Variants in DPP6 observed in about 807,000 individuals in gnomAD.
DPP6 encodes the protein A-type potassium channel modulatory protein DPP6.
Under a neutral mutation model 122.6 loss-of-function variants are expected in DPP6, and 69 were observed. The ratio of observed to expected loss-of-function variants is 0.56; its 90% CI spans 0.46 to 0.69. The LOEUF (loss-of-function observed/expected upper bound fraction) is 0.69, where lower values mean the gene tolerates loss of function less well. DPP6 is among the 30% of genes least tolerant of loss of function. DPP6 has a pLI of 0.00. For missense variants in DPP6, 928 were observed against 1,116.9 expected, an observed-to-expected ratio of 0.83 and a Z score of 2.41; for synonymous variants, 418 against 433.1, an observed-to-expected ratio of 0.97 and a Z score of 0.43.
chr7:154,813,998 A>G (rs966186754), intron 16 of DPP6, among the ~76,000 whole-genome samples: 2 of 146,796 alleles, frequency 1.4e-5, no homozygotes, highest in African/African-American at 5.1e-5. Flanking sequence ...CTCCTGCCTC[A>G]GCCTCTTGAG....
At chr7:154,009,001 A>G (rs1357455737) in intron 1 of DPP6, among the ~76,000 whole-genome samples, 1 of 131,466 alleles carries the variant, frequency 7.6e-6, no homozygotes, top group Non-Finnish European at 1.6e-5. Context: ...GTTCTTCTGC[A>G]TGTTAGCCAC....
the DPP6 span, among the ~76,000 whole-genome samples, chr7:153,869,871 G>T: frequency 1.3e-5 from 2 of 152,010 alleles, no homozygotes; most frequent in East Asian, 1.9e-4. Flanking sequence ...CTCAGCATTT[G>T]CTTGTCTGTA....
intron 8 of DPP6, among the ~76,000 whole-genome samples, chr7:154,735,413 G>A (rs185868868): frequency 1.4e-4 from 21 of 152,338 alleles, no homozygotes; most frequent in Admixed American, 1.4e-3. Flanking sequence ...GAAAGTAAAA[G>A]TAATGATGAA....
chr7:154,323,468 G>A (rs1808152515), intron 1 of DPP6, among the ~76,000 whole-genome samples: 2 of 152,196 alleles, frequency 1.3e-5, no homozygotes, highest in African/African-American at 4.8e-5. Flanking sequence ...CGACCTTGAT[G>A]ACAGATGATT....
intron 1 of DPP6, among the ~76,000 whole-genome samples, chr7:154,404,884 A>G (rs1045567426): frequency 1.3e-5 from 2 of 152,216 alleles, no homozygotes; most frequent in African/African-American, 4.8e-5. Flanking sequence ...ACAAAAAAAA[A>G]TGCACCAGTA....
intron 2 of DPP6, among the ~76,000 whole-genome samples, chr7:154,472,240 A>C (rs368383715): frequency 5.8e-4 from 89 of 152,340 alleles, no homozygotes; most frequent in African/African-American, 1.9e-3. Flanking sequence ...ATTTTTTCTA[A>C]TGGAATTTCA....
chr7:153,951,669 C>G (rs1802221407), intron 1 of DPP6, among the ~76,000 whole-genome samples: 1 of 152,164 alleles, frequency 6.6e-6, no homozygotes, highest in African/African-American at 2.4e-5. Context: ...TTTCTGGATA[C>G]TATCCTAAAC....
At chr7:154,271,395 G>C (rs1048994675) in intron 1 of DPP6, among the ~76,000 whole-genome samples, 3 of 152,152 alleles carry the variant, frequency 2.0e-5, no homozygotes, top group African/African-American at 7.2e-5. Flanking sequence ...GACGTGGGCA[G>C]GTGTTGAGTT....
the DPP6 span, among the ~76,000 whole-genome samples, chr7:153,826,622 G>T: frequency 6.6e-6 from 1 of 152,024 alleles, no homozygotes; most frequent in Non-Finnish European, 1.5e-5. Context: ...AAATTAATTT[G>T]GGTTCTACAT....
At chr7:153,961,274 A>G (rs1585094248) in intron 1 of DPP6, among the ~76,000 whole-genome samples, 3 of 151,354 alleles carry the variant, frequency 2.0e-5, no homozygotes, top group East Asian at 1.9e-4. Context: ...TGTGAGTTCA[A>G]GCCTCATGCC....
At chr7:154,889,643 G>A in intron 25 of DPP6, 113 bp downstream of exon 25, 11 of 1,497,968 alleles carry the variant, frequency 7.3e-6, no homozygotes, top group African/African-American at 1.4e-5. Context: ...CTGTGCTGTG[G>A]TGGTCGGTGA....
chr7:154,666,231 A>C (rs1224045369), intron 6 of DPP6, among the ~76,000 whole-genome samples: 1 of 151,498 alleles, frequency 6.6e-6, no homozygotes, highest in Admixed American at 6.6e-5. Flanking sequence ...ACATACATAC[A>C]TACTATAACA....
the DPP6 span, among the ~76,000 whole-genome samples, chr7:153,780,612 G>C: frequency 2.0e-5 from 3 of 152,262 alleles, no homozygotes; most frequent in Non-Finnish European, 4.4e-5. Context: ...ACAGTGATGG[G>C]ATAAGTATTG....
intron 1 of DPP6, among the ~76,000 whole-genome samples, chr7:154,266,224 A>G (rs1283534652): frequency 6.6e-6 from 1 of 152,200 alleles, no homozygotes; most frequent in Non-Finnish European, 1.5e-5. Flanking sequence ...GAATGAACAT[A>G]TAAAAGAACA....
At chr7:154,529,073 A>C (rs905057983) in intron 3 of DPP6, among the ~76,000 whole-genome samples, 1 of 152,250 alleles carries the variant, frequency 6.6e-6, no homozygotes, top group Non-Finnish European at 1.5e-5. Context: ...GTCTGCATAG[A>C]GAATGGAAAT....
chr7:154,721,825 C>T (rs747366108), intron 7 of DPP6, among the ~76,000 whole-genome samples: 44 of 152,196 alleles, frequency 2.9e-4, no homozygotes, highest in Non-Finnish European at 5.6e-4. Flanking sequence ...CACTGTTTTA[C>T]GTACTTTGAG....
chr7:154,438,108 C>T (rs1819021793), intron 1 of DPP6, among the ~76,000 whole-genome samples: 1 of 152,062 alleles, frequency 6.6e-6, no homozygotes, highest in South Asian at 2.1e-4. Context: ...GCTTGCTGTA[C>T]ATTCGGCTTT....
chr7:153,926,843 A>C (rs1446052641), intron 1 of DPP6, among the ~76,000 whole-genome samples: 1 of 152,136 alleles, frequency 6.6e-6, no homozygotes, highest in African/African-American at 2.4e-5. Context: ...TGTTACCAAA[A>C]TGTTTTCTGA....
At chr7:154,799,312 A>T (rs747094285) in intron 12 of DPP6, among the ~76,000 whole-genome samples, 3 of 152,124 alleles carry the variant, frequency 2.0e-5, no homozygotes, top group African/African-American at 7.2e-5. Flanking sequence ...AGGAAAATGC[A>T]TGTGTGGAGA....
Sources: gnomAD v4.1 joint callset for allele counts (sites outside exome capture counted in the v4.1 genomes callset) on GRCh38, gnomAD v4.1.1 for gene constraint, MANE v1.5 for transcripts, NCBI Gene and HGNC (gene_info 2026-07-23, HGNC 2026-07-21) for gene names.